PASD1: variants seen among roughly 807,000 people sequenced by gnomAD.
PASD1 encodes the protein circadian clock protein PASD1.
Under a neutral mutation model 58.8 loss-of-function variants are expected in PASD1, and 13 were observed. That is an observed-to-expected ratio of 0.22 (90% CI 0.14 to 0.35). The LOEUF (loss-of-function observed/expected upper bound fraction) is 0.35, where lower values mean the gene tolerates loss of function less well. Among genes scored for constraint, PASD1 ranks in the 10% least tolerant of loss-of-function variants. PASD1 has a pLI of 1.00. For missense variants in PASD1, 734 were observed against 568.3 expected (o/e 1.29, Z -2.96); for synonymous variants, 236 against 216.7 (o/e 1.09, Z -0.78).
At chrX:151,640,521 C>G (rs183568025) in intron 8 of PASD1, among the ~76,000 whole-genome samples, 166 of 112,033 alleles carry the variant, frequency 1.5e-3, no homozygotes, top group Middle Eastern at 9.1e-3. Context: ...ATAGAACATC[C>G]TGTCCTCAGT....
At chrX:151,661,342 T>C (rs1247027501) in intron 10 of PASD1, among the ~76,000 whole-genome samples, 21 of 111,660 alleles carry the variant, frequency 1.9e-4, no homozygotes, top group African/African-American at 6.8e-4. Flanking sequence ...CTCATGACCA[T>C]AGCATGGTAA....
At chrX:151,584,978 A>G (rs1431548336) in intron 1 of PASD1, among the ~76,000 whole-genome samples, 1 of 112,221 alleles carries the variant, frequency 8.9e-6, no homozygotes, top group African/African-American at 3.2e-5. Context: ...ACTTACATAC[A>G]TTTAATTTGA....
In PASD1 at chrX:151,657,479, C is replaced by T. The variant is rs1349078431; in HGVS notation, c.718-2234C>T. On this transcript the variant is annotated intron_variant, in intron 9 of 15. Transcript: ENST00000370357. ...CTCTGGTAGAATTCGACTGTGAGTC[C>T]GTCTGGTCCCGGAGTTTGTTTGGTT... Among the ~76,000 whole-genome samples, 5 of 111,114 alleles carry T rather than the reference C, an allele frequency of 4.5e-5. No homozygotes were observed. In the East Asian group the frequency reaches 1.4e-3, roughly 31 times the overall value.
intron 4 of PASD1, among the ~76,000 whole-genome samples, chrX:151,611,982 C>T (rs781457513): frequency 1.5e-5 from 1 of 67,069 alleles, no homozygotes; most frequent in African/African-American, 6.2e-5. Flanking sequence ...CCCCACCCTA[C>T]AACAGGCCCC....
At chrX:151,659,357 T>C (rs1313535247) in intron 9 of PASD1, among the ~76,000 whole-genome samples, 1 of 111,889 alleles carries the variant, frequency 8.9e-6, no homozygotes, top group Non-Finnish European at 1.9e-5. Flanking sequence ...ACTACCATCC[T>C]TGGCAACTAT....
At chrX:151,654,851 T>G (rs974803711) in intron 9 of PASD1, among the ~76,000 whole-genome samples, 5 of 111,292 alleles carry the variant, frequency 4.5e-5, no homozygotes, top group African/African-American at 1.6e-4. Flanking sequence ...TTTTTGTTTT[T>G]CTTTTTATTA....
intron 11 of PASD1, among the ~76,000 whole-genome samples, 189 bp from the exon 12 acceptor site, chrX:151,670,849 C>T (rs1199497920): frequency 8.9e-6 from 1 of 112,242 alleles, no homozygotes; most frequent in African/African-American, 3.2e-5. Context: ...TCTCCGTGGT[C>T]CATTTCTTAT....
intron 1 of PASD1, among the ~76,000 whole-genome samples, chrX:151,567,417 A>G (rs1342254953): frequency 8.9e-6 from 1 of 111,918 alleles, no homozygotes. Flanking sequence ...CTAGAGCCAG[A>G]GCTCAAAGGA....
chrX:151,604,827 C>A, intron 3 of PASD1, 93 bp downstream of exon 3: 2 of 680,563 alleles, frequency 2.9e-6, no homozygotes, highest in African/African-American at 2.2e-5. Flanking sequence ...ATTAGGAGAT[C>A]ATATGCATTA....
intron 8 of PASD1, among the ~76,000 whole-genome samples, chrX:151,627,400 T>C (rs772650121): frequency 9.3e-6 from 1 of 107,285 alleles, no homozygotes; most frequent in Non-Finnish European, 1.9e-5. Flanking sequence ...GTTCCCCTTC[T>C]TGTGTCCATG....
intron 15 of PASD1, 36 bp from the exon 16 acceptor site, chrX:151,675,961 G>T: frequency 8.3e-7 from 1 of 1,204,941 alleles, no homozygotes; most frequent in Non-Finnish European, 1.1e-6. Flanking sequence ...ACAGACTCTA[G>T]CAAACATTCC....
At chrX:151,564,161 G>C (rs1419312300) in intron 1 of PASD1, among the ~76,000 whole-genome samples, 1 of 113,240 alleles carries the variant, frequency 8.8e-6, no homozygotes, top group Non-Finnish European at 1.9e-5. Flanking sequence ...AATTGAAGCA[G>C]AGTTGGGAAG....
intron 9 of PASD1, among the ~76,000 whole-genome samples, chrX:151,657,041 T>G (rs1215164302): frequency 8.9e-6 from 1 of 111,898 alleles, no homozygotes; most frequent in Non-Finnish European, 1.9e-5. Flanking sequence ...CATCAATACC[T>G]AATTTATTGA....
At chrX:151,664,859 A>C (rs1290562075) in intron 11 of PASD1, among the ~76,000 whole-genome samples, 1 of 111,767 alleles carries the variant, frequency 8.9e-6, no homozygotes. Context: ...CATCAGTACC[A>C]ATGTACAGTC....
chrX:151,599,484 C>T (rs759246260), intron 1 of PASD1, among the ~76,000 whole-genome samples: 2 of 109,189 alleles, frequency 1.8e-5, no homozygotes, highest in Non-Finnish European at 1.9e-5. Flanking sequence ...GGCTGCCGGG[C>T]GGAGACGCTC....
intron 10 of PASD1, among the ~76,000 whole-genome samples, chrX:151,662,380 TC>T (rs1313672602): frequency 8.1e-5 from 9 of 111,078 alleles, no homozygotes; most frequent in African/African-American, 2.6e-4. Context: ...TCTTTTTTTT[TC>T]CCTTCACTTC....
chrX:151,577,389 A>T (rs1303345074), intron 1 of PASD1, among the ~76,000 whole-genome samples: 1 of 112,115 alleles, frequency 8.9e-6, no homozygotes, highest in Admixed American at 9.5e-5. Flanking sequence ...AATGGCAGGG[A>T]TTAATAGCAT....
chrX:151,564,296 G>A (rs1369228599), intron 1 of PASD1, among the ~76,000 whole-genome samples: 2 of 112,442 alleles, frequency 1.8e-5, no homozygotes, highest in Admixed American at 9.3e-5. Context: ...GTGTGCTGGG[G>A]TGGGCGCGTA....
chrX:151,675,920 A>G (rs2014537351), intron 15 of PASD1, 77 bp from the exon 16 acceptor site: 2 of 1,060,587 alleles, frequency 1.9e-6, no homozygotes, highest in East Asian at 6.1e-5. Context: ...TTTGAACTAA[A>G]GGATTCCTCC....
Sources: allele counts gnomAD v4.1 joint callset (sites outside exome capture counted in the v4.1 genomes callset), GRCh38; gene constraint gnomAD v4.1.1; transcripts MANE v1.5; gene names NCBI Gene and HGNC (gene_info 2026-07-23, HGNC 2026-07-21).